GATA2: variants seen among roughly 807,000 people sequenced by gnomAD.
GATA2 encodes the protein endothelial transcription factor GATA-2.
Under a neutral mutation model 35.7 loss-of-function variants are expected in GATA2, and 6 were observed. The observed-to-expected ratio is 0.17, with a 90% CI of 0.09 to 0.33. The LOEUF (loss-of-function observed/expected upper bound fraction) is 0.33, where lower values mean the gene tolerates loss of function less well. Ranked by LOEUF, GATA2 falls within the 10% of genes least tolerant of loss-of-function variation. The pLI is 1.00. For synonymous variants in GATA2, 313 were observed against 274.9 expected, an observed-to-expected ratio of 1.14 and a Z score of -1.37; for missense variants, 541 against 656.6, an observed-to-expected ratio of 0.82 and a Z score of 1.92.
chr3:128,487,373 C>T (rs1313100345), intron 1 of GATA2, among the ~76,000 whole-genome samples: 1 of 152,218 alleles, frequency 6.6e-6, no homozygotes, highest in Admixed American at 6.5e-5. Flanking sequence ...AGCAGCACTT[C>T]AGTCAGACAC....
chr3:128,483,459 GT>G (rs1039684294), intron 4 of GATA2, among the ~76,000 whole-genome samples: 6 of 152,190 alleles, frequency 3.9e-5, no homozygotes, highest in African/African-American at 1.4e-4. Flanking sequence ...GCCGGTGTGA[GT>G]TTGTGTTTTA....
intron 3 of GATA2, 91 bp from the exon 4 acceptor site, chr3:128,484,096 T>C (rs2068664708): frequency 3.3e-6 from 5 of 1,512,960 alleles, no homozygotes; most frequent in Admixed American, 1.8e-5. Flanking sequence ...AGCCGAGCAG[T>C]GCCGGTGCCT....
Position 128,486,299 on chromosome 3 carries a change from C to G in GATA2, c.299G>C (p.Gly100Ala). ...AGCGGCAGAGAGGGCTGCTTTGCCC[C>G]CGTCCAGCCAGGGCAAACCCGGGCT... ...LHSPGLPWLD[G>A]GKAALSAAAA... The change falls in exon 3 of 6, where the codon GGG becomes GCG. Residue 100 changes from glycine to alanine, a missense_variant. Physicochemically the swap from Gly to Ala is moderately conservative, Grantham distance 60 (BLOSUM62 0). Transcript: ENST00000341105. The G allele has an allele frequency of 6.3e-7, 1 of 1,590,352 alleles. No individual in the cohort carries two copies. Among genetic ancestry groups the G allele is most frequent in the Non-Finnish European group, 8.5e-7 (1 of 1,170,972 alleles).
Position 128,480,463 on chromosome 3 carries a change from T to C in GATA2, c.*556A>G. 1 of 239,332 alleles carries C rather than the reference T, an allele frequency of 4.2e-6. No homozygotes were observed. Among genetic ancestry groups the C allele is most frequent in the Non-Finnish European group, 8.2e-6 (1 of 122,254 alleles). The allele number at this position is 239,332 out of a possible 1,614,324, so 14.8% of individuals were successfully genotyped here. Reference sequence around the variant, plus strand: ...CGTCAAAGCAGGCACCAGCTCACCCTCCCTGGGCCGTGGCCACTCTGGCTT... The same window carrying C: ...CGTCAAAGCAGGCACCAGCTCACCCCCCCTGGGCCGTGGCCACTCTGGCTT... On this transcript the variant is annotated 3_prime_UTR_variant, in exon 6 of 6. Coordinates refer to ENST00000341105, the MANE Select transcript of GATA2 (RefSeq NM_032638.5).
chr3:128,490,810 T>C (rs1576752986), intron 1 of GATA2, among the ~76,000 whole-genome samples: 2 of 152,148 alleles, frequency 1.3e-5, no homozygotes, highest in East Asian at 3.9e-4. Context: ...CCAGGCCTGG[T>C]GAGAGCAGAT....
Position 128,479,448 on chromosome 3 carries a change from T to C in GATA2, c.*1571A>G. On this transcript the variant is annotated 3_prime_UTR_variant, in exon 6 of 6. Transcript: ENST00000341105. ...GGCATTCACAAAAAGTATTTTATTA[T>C]TCTTAACAGTACTCACTTTAAAGGA... The C allele has an allele frequency of 4.3e-6, 1 of 231,054 alleles. No individual in the cohort carries two copies. The highest frequency in any genetic ancestry group is 8.6e-6 in the Non-Finnish European group (1 of 116,494). 14.3% of individuals were successfully genotyped at this position (231,054 alleles called of 1,614,324 possible).
At chr3:128,486,672 TC>T in intron 2 of GATA2, 130 bp downstream of exon 2, 1 of 992,812 alleles carries the variant, frequency 1.0e-6, no homozygotes, top group Non-Finnish European at 1.5e-6. Flanking sequence ...CTCCCACCTC[TC>T]CCGCCCCAAT....
intron 1 of GATA2, chr3:128,491,906 A>G (rs2068772833): frequency 6.6e-6 from 1 of 152,222 alleles, no homozygotes; most frequent in Non-Finnish European, 1.5e-5. Context: ...GCGGCCTGAC[A>G]ACTGGTAAAT....
At chr3:128,491,217 CCCCT>C (rs932840480) in intron 1 of GATA2, among the ~76,000 whole-genome samples, 6 of 121,826 alleles carry the variant, frequency 4.9e-5, no homozygotes, top group African/African-American at 2.1e-4. Flanking sequence ...AGCCCCCCCC[CCCCT>C]CTGAGCCCTT....
chr3:128,490,856 C>G (rs2068760459), intron 1 of GATA2, among the ~76,000 whole-genome samples: 1 of 152,170 alleles, frequency 6.6e-6, no homozygotes, highest in South Asian at 2.1e-4. Context: ...TTGGGGTCCC[C>G]AAAACACCTT....
Position 128,480,619 on chromosome 3 carries a change from C to T in GATA2, c.*400G>A, listed in dbSNP as rs1282025414. ...GGACCCGCCAATCCCGAGGAAGAACCGGAGGACTTGGGACAGCTCAGACCA... is the reference window on the plus strand; with the variant it reads ...GGACCCGCCAATCCCGAGGAAGAACTGGAGGACTTGGGACAGCTCAGACCA... On this transcript the variant is annotated 3_prime_UTR_variant, in exon 6 of 6. Coordinates refer to ENST00000341105, the MANE Select transcript of GATA2 (RefSeq NM_032638.5). 3.6e-6 allele frequency: 1 copy of T among 275,880 alleles called. No individual in the cohort carries two copies. Among genetic ancestry groups the T allele is most frequent in the Non-Finnish European group, 6.8e-6 (1 of 146,430 alleles). The allele number at this position is 275,880 out of a possible 1,614,324, so 17.1% of individuals were successfully genotyped here. A position where few individuals can be genotyped will look rare whatever the true frequency, so the allele number is the denominator to read the frequency against.
At chr3:128,482,110 G>T in intron 4 of GATA2, 166 bp from the exon 5 acceptor site, 2 of 876,610 alleles carry the variant, frequency 2.3e-6, no homozygotes, top group Non-Finnish European at 1.7e-6. Flanking sequence ...ATTTGAGAAC[G>T]AAATAAGTCA....
intron 4 of GATA2, 127 bp from the exon 5 acceptor site, chr3:128,482,071 A>C: frequency 8.4e-7 from 1 of 1,194,872 alleles, no homozygotes; most frequent in Non-Finnish European, 1.2e-6. Context: ...CATGGGAATC[A>C]AAGCATCTCA....
At chr3:128,482,553 C>T (rs776862995) in intron 4 of GATA2, among the ~76,000 whole-genome samples, 1 of 152,222 alleles carries the variant, frequency 6.6e-6, no homozygotes, top group Admixed American at 6.5e-5. Context: ...TTCAAGTGAT[C>T]AATATTCACA....
rs1305133119 is a variant in GATA2 at position 128,480,453 on chromosome 3, C to T, written c.*566G>A. 17 of 237,770 alleles carry T rather than the reference C, an allele frequency of 7.1e-5. No individual in the cohort carries two copies. The Admixed American group carries it at 8.8e-4, about 12-fold the overall frequency. 14.7% of individuals were successfully genotyped at this position (237,770 alleles called of 1,614,324 possible). A position where few individuals can be genotyped will look rare whatever the true frequency, so the allele number is the denominator to read the frequency against. On this transcript the variant is annotated 3_prime_UTR_variant, in exon 6 of 6. Transcript: ENST00000341105. ...GGGCCTGGCCCGTCAAAGCAGGCAC[C>T]AGCTCACCCTCCCTGGGCCGTGGCC...
intron 1 of GATA2, chr3:128,491,888 C>T (rs2068772520): frequency 6.6e-6 from 1 of 152,250 alleles, no homozygotes; most frequent in African/African-American, 2.4e-5. Context: ...TTGGAGCGGC[C>T]GGGGCCGGCG....
At chr3:128,481,745 G>T in intron 5 of GATA2, 74 bp downstream of exon 5, 1 of 1,539,692 alleles carries the variant, frequency 6.5e-7, no homozygotes, top group South Asian at 1.2e-5. Flanking sequence ...TTGTGGCTGG[G>T]GCCTCTTGCC....
Position 128,481,809 on chromosome 3 carries a change from G to T in GATA2, c.1143+10C>A, listed in dbSNP as rs777624834. On this transcript the variant is annotated intron_variant, in intron 5 of 5. Coordinates refer to ENST00000341105, the MANE Select transcript of GATA2 (RefSeq NM_032638.5). ...GGAGGGGCGGGGTGGCCGGGGCGGG[G>T]CGCACTCACATTGTGCAGCTTGTAG... The T allele has an allele frequency of 6.2e-7, 1 of 1,611,642 alleles. No homozygotes were observed. The highest frequency in any genetic ancestry group is 1.1e-5 in the South Asian group (1 of 91,048).
Position 128,480,679 on chromosome 3 carries a change from A to C in GATA2, c.*340T>G. ...CAAGTCCTTGTTAGAAACAAGAGCAAAATAAATTATTTTTGCCTAATCCTT... is the reference window on the plus strand; with the variant it reads ...CAAGTCCTTGTTAGAAACAAGAGCACAATAAATTATTTTTGCCTAATCCTT... On this transcript the variant is annotated 3_prime_UTR_variant, in exon 6 of 6. Coordinates refer to ENST00000341105, the MANE Select transcript of GATA2 (RefSeq NM_032638.5). 1 of 341,210 alleles carries C rather than the reference A, an allele frequency of 2.9e-6. No homozygotes were observed. The highest frequency in any genetic ancestry group is 4.4e-5 in the East Asian group (1 of 22,902). The allele number at this position is 341,210 out of a possible 1,614,324, so 21.1% of individuals were successfully genotyped here.
Sources: gnomAD v4.1 joint callset for allele counts (sites outside exome capture counted in the v4.1 genomes callset) on GRCh38, gnomAD v4.1.1 for gene constraint, MANE v1.5 for transcripts, NCBI Gene and HGNC (gene_info 2026-07-23, HGNC 2026-07-21) for gene names.